SDCCAG8: variants seen among roughly 807,000 people sequenced by gnomAD.
The protein encoded by SDCCAG8 is serologically defined colon cancer antigen 8.
SDCCAG8 carries 74 observed loss-of-function variants against 101.8 expected under a neutral mutation model. That is an observed-to-expected ratio of 0.73 (90% CI 0.60 to 0.88). The LOEUF is 0.88. Among genes scored for constraint, SDCCAG8 ranks in the 40% least tolerant of loss-of-function variants. SDCCAG8 has a pLI of 0.00. For missense variants in SDCCAG8, 787 were observed against 822.6 expected (o/e 0.96, Z 0.53); for synonymous variants, 281 against 292.9 (o/e 0.96, Z 0.41).
Position 243,470,481 on chromosome 1 carries a change from C to CT in SDCCAG8, c.1986-18520dup, listed in dbSNP as rs374087282. Among the ~76,000 whole-genome samples, 1,021 of 144,496 alleles carry CT rather than the reference C, an allele frequency of 7.1e-3. 6 individuals are homozygous for CT. The highest frequency in any genetic ancestry group is 0.017 in the African/African-American group (658 of 39,634). The allele number at this position is 144,496 out of a possible 152,430, so 94.8% of individuals were successfully genotyped here. On this transcript the variant is annotated intron_variant, in intron 16 of 17. Coordinates refer to ENST00000366541, the MANE Select transcript of SDCCAG8 (RefSeq NM_006642.5). The stretch of plus-strand genomic sequence containing the variant: ...AGAGTAGAATTTTTTTTTCCTTTTC[C>CT]TTTTTTTTTTTTTCTTTTTTTTGCA...
At chr1:243,263,301 A>C (rs1376479330) in intron 1 of SDCCAG8, among the ~76,000 whole-genome samples, 1 of 152,180 alleles carries the variant, frequency 6.6e-6, no homozygotes, top group Non-Finnish European at 1.5e-5. Flanking sequence ...GATGCTATTA[A>C]ACTGGCACAA....
chr1:243,392,214 T>C (rs2078747283), intron 13 of SDCCAG8, among the ~76,000 whole-genome samples: 1 of 152,228 alleles, frequency 6.6e-6, no homozygotes, highest in African/African-American at 2.4e-5. Flanking sequence ...GTAAAATAAA[T>C]TAATGAGTAG....
chr1:243,462,334 A>G (rs987324293), intron 16 of SDCCAG8, among the ~76,000 whole-genome samples: 5 of 152,218 alleles, frequency 3.3e-5, no homozygotes, highest in African/African-American at 1.2e-4. Flanking sequence ...ATAACCCTCC[A>G]TAAACAAATG....
intron 15 of SDCCAG8, among the ~76,000 whole-genome samples, chr1:243,420,063 C>A (rs1203789524): frequency 6.6e-6 from 1 of 152,224 alleles, no homozygotes; most frequent in Non-Finnish European, 1.5e-5. Context: ...AGGTGTGGTG[C>A]TATTCGCACC....
chr1:243,305,004 T>C, intron 7 of SDCCAG8: 1 of 524,494 alleles, frequency 1.9e-6, no homozygotes, highest in South Asian at 2.3e-5. Flanking sequence ...ATTTGTGTTT[T>C]CTTGTAGAAA....
At chr1:243,498,729 A>AATG (rs1668695046) in intron 17 of SDCCAG8, among the ~76,000 whole-genome samples, 1 of 152,218 alleles carries the variant, frequency 6.6e-6, no homozygotes, top group Admixed American at 6.5e-5. Context: ...TCCCCATGTT[A>AATG]ATGATGGCTT....
At chr1:243,463,251 A>G (rs1163085311) in intron 16 of SDCCAG8, among the ~76,000 whole-genome samples, 1 of 152,252 alleles carries the variant, frequency 6.6e-6, no homozygotes, top group Non-Finnish European at 1.5e-5. Context: ...AGGGCACAGA[A>G]GAAGGAACAG....
chr1:243,265,561 C>G (rs528576951), intron 1 of SDCCAG8, among the ~76,000 whole-genome samples: 1 of 152,302 alleles, frequency 6.6e-6, no homozygotes, highest in East Asian at 1.9e-4. Flanking sequence ...TCCTGTAATC[C>G]CAGCACTTTG....
chr1:243,446,447 A>G (rs941075200), intron 16 of SDCCAG8, among the ~76,000 whole-genome samples: 3 of 152,008 alleles, frequency 2.0e-5, no homozygotes, highest in East Asian at 3.9e-4. Context: ...TGTATGTTTT[A>G]TAGACACAAG....
At chr1:243,398,948 T>C (rs2079195570) in intron 13 of SDCCAG8, among the ~76,000 whole-genome samples, 1 of 152,264 alleles carries the variant, frequency 6.6e-6, no homozygotes, top group Admixed American at 6.5e-5. Flanking sequence ...TGTTCTGTTC[T>C]AGCTGCACTA....
intron 3 of SDCCAG8, 41 bp from the exon 4 acceptor site, chr1:243,274,501 AT>A: frequency 8.3e-7 from 1 of 1,197,804 alleles, no homozygotes; most frequent in Non-Finnish European, 1.2e-6. Context: ...GCTTTTTAAA[AT>A]TTATGTATTT....
At chr1:243,436,478 A>G (rs1314276821) in intron 16 of SDCCAG8, among the ~76,000 whole-genome samples, 1 of 152,150 alleles carries the variant, frequency 6.6e-6, no homozygotes, top group East Asian at 1.9e-4. Context: ...TTTTAGCACT[A>G]TTTGTTAAAA....
intron 1 of SDCCAG8, among the ~76,000 whole-genome samples, chr1:243,261,532 ATC>A (rs2067191786): frequency 6.6e-6 from 1 of 152,218 alleles, no homozygotes; most frequent in Non-Finnish European, 1.5e-5. Context: ...TAGCACATCT[ATC>A]CAAATCCTGC....
chr1:243,335,222 G>A (rs2074915429), intron 10 of SDCCAG8, among the ~76,000 whole-genome samples: 1 of 152,114 alleles, frequency 6.6e-6, no homozygotes, highest in South Asian at 2.1e-4. Context: ...GGGAAAAAAT[G>A]GCATTTTCGT....
Position 243,286,356 on chromosome 1 carries a change from C to T in SDCCAG8, c.505C>T (p.Gln169Ter), listed in dbSNP as rs1558235779. 1 of 1,613,844 alleles carries T rather than the reference C, an allele frequency of 6.2e-7. No homozygotes were observed. The highest frequency in any genetic ancestry group is 1.7e-5 in the Admixed American group (1 of 60,020). ...GLQQQLKSQR[Q>*]EETLREQTLL... ...CCAGCAACAGCTAAAATCTCAAAGA[C>T]AAGAGGAGACACTGAGGGAACAAAC... Residue 169 changes from glutamine to a stop codon, truncating the protein, a stop_gained, in exon 5 of 18, where the codon CAA (glutamine) becomes TAA (stop). Coordinates refer to ENST00000366541, the MANE Select transcript of SDCCAG8 (RefSeq NM_006642.5). LOFTEE classifies it high-confidence loss of function.
chr1:243,319,639 C>T (rs1470340256), intron 9 of SDCCAG8, among the ~76,000 whole-genome samples: 1 of 152,164 alleles, frequency 6.6e-6, no homozygotes, highest in Non-Finnish European at 1.5e-5. Context: ...TCCCAAAGTG[C>T]TGGGATTACA....
chr1:243,265,632 G>A (rs937176902), intron 1 of SDCCAG8, among the ~76,000 whole-genome samples: 9 of 152,268 alleles, frequency 5.9e-5, no homozygotes, highest in Non-Finnish European at 7.4e-5. Flanking sequence ...GGCCAACACG[G>A]TGAAACCCCA....
chr1:243,419,782 A>G (rs981317891), intron 15 of SDCCAG8, among the ~76,000 whole-genome samples: 5 of 152,208 alleles, frequency 3.3e-5, no homozygotes, highest in Admixed American at 2.6e-4. Flanking sequence ...TATGATGAGA[A>G]AGTTTGGGAA....
chr1:243,301,395 G>A (rs2071491030), intron 6 of SDCCAG8, among the ~76,000 whole-genome samples: 1 of 152,098 alleles, frequency 6.6e-6, no homozygotes, highest in Admixed American at 6.6e-5. Flanking sequence ...GTGCAATACT[G>A]TAAACCTTGA....
Sources: allele counts gnomAD v4.1 joint callset (sites outside exome capture counted in the v4.1 genomes callset), GRCh38; gene constraint gnomAD v4.1.1; transcripts MANE v1.5; gene names NCBI Gene and HGNC (gene_info 2026-07-23, HGNC 2026-07-21).